Variants in C1orf21 observed in about 807,000 individuals in gnomAD.
The protein encoded by C1orf21 is uncharacterized protein C1orf21.
Under a neutral mutation model 18.7 loss-of-function variants are expected in C1orf21, and 3 were observed. The ratio of observed to expected loss-of-function variants is 0.16; its 90% CI spans 0.07 to 0.42. C1orf21 has a LOEUF of 0.42. C1orf21 is among the 10% of genes least tolerant of loss of function. The pLI, the probability that C1orf21 is intolerant of heterozygous loss-of-function variation, is 0.99. For missense variants in C1orf21, 104 were observed against 143.6 expected (o/e 0.72, Z 1.41); for synonymous variants, 41 against 46.4 (o/e 0.88, Z 0.47).
At chr1:184,442,418 G>A (rs533366695) in intron 1 of C1orf21, among the ~76,000 whole-genome samples, 1 of 152,260 alleles carries the variant, frequency 6.6e-6, no homozygotes, top group African/African-American at 2.4e-5. Context: ...ACAGGATTAT[G>A]ATAAAGATTA....
At chr1:184,429,574 G>C (rs1334636636) in intron 1 of C1orf21, among the ~76,000 whole-genome samples, 1 of 152,116 alleles carries the variant, frequency 6.6e-6, no homozygotes. Context: ...TGGCATAAAA[G>C]AATTACTGGA....
chr1:184,463,082 C>CAAAAAAA (rs397982231), intron 1 of C1orf21, among the ~76,000 whole-genome samples: 1 of 80,308 alleles, frequency 1.2e-5, no homozygotes, highest in Non-Finnish European at 2.5e-5. Context: ...GACTCCATCT[C>CAAAAAAA]AAAAAAAAAA....
At chr1:184,470,617 G>A (rs549084301) in intron 1 of C1orf21, among the ~76,000 whole-genome samples, 1 of 152,282 alleles carries the variant, frequency 6.6e-6, no homozygotes, top group East Asian at 1.9e-4. Flanking sequence ...GGCGGCTCAC[G>A]CCTGAAATCC....
At chr1:184,528,259 C>T (rs2101971990) in intron 3 of C1orf21, among the ~76,000 whole-genome samples, 2 of 152,256 alleles carry the variant, frequency 1.3e-5, no homozygotes, top group South Asian at 4.1e-4. Flanking sequence ...ATAGCAGCTG[C>T]ACCTTAAAAT....
intron 5 of C1orf21, among the ~76,000 whole-genome samples, chr1:184,601,715 A>G (rs1476992377): frequency 6.6e-6 from 1 of 152,138 alleles, no homozygotes; most frequent in East Asian, 1.9e-4. Flanking sequence ...AGCCTGGCCA[A>G]CGTGGTGAAA....
At chr1:184,444,072 A>G (rs532569211) in intron 1 of C1orf21, among the ~76,000 whole-genome samples, 2 of 152,292 alleles carry the variant, frequency 1.3e-5, no homozygotes, top group South Asian at 2.1e-4. Flanking sequence ...CTGTGTCTCC[A>G]TGGAAGATTC....
intron 5 of C1orf21, among the ~76,000 whole-genome samples, chr1:184,613,571 G>C (rs574129449): frequency 1.2e-4 from 18 of 152,264 alleles, no homozygotes; most frequent in Middle Eastern, 3.4e-3. Flanking sequence ...ATTATGATGT[G>C]CAAAACGTTG....
intron 2 of C1orf21, among the ~76,000 whole-genome samples, chr1:184,493,549 C>A (rs1657847895): frequency 6.6e-6 from 1 of 152,172 alleles, no homozygotes; most frequent in Non-Finnish European, 1.5e-5. Flanking sequence ...CATTTAAATT[C>A]CCTTCCAGCT....
At chr1:184,486,841 G>A (rs1415605491) in intron 2 of C1orf21, among the ~76,000 whole-genome samples, 1 of 152,218 alleles carries the variant, frequency 6.6e-6, no homozygotes, top group Non-Finnish European at 1.5e-5. Context: ...AGATGAGGGA[G>A]CACCTGAGTT....
chr1:184,551,896 G>C (rs1658818039), intron 3 of C1orf21, among the ~76,000 whole-genome samples: 1 of 150,162 alleles, frequency 6.7e-6, no homozygotes, highest in Non-Finnish European at 1.5e-5. Context: ...CCTGGCTATG[G>C]CTACACCACT....
intron 3 of C1orf21, among the ~76,000 whole-genome samples, chr1:184,518,366 A>G (rs1031277861): frequency 1.3e-5 from 2 of 152,246 alleles, no homozygotes; most frequent in Admixed American, 6.5e-5. Context: ...ATTGCTAGTT[A>G]AAAGGACACC....
intron 2 of C1orf21, among the ~76,000 whole-genome samples, chr1:184,489,073 T>A (rs955858202): frequency 6.6e-6 from 1 of 152,282 alleles, no homozygotes; most frequent in Admixed American, 6.5e-5. Flanking sequence ...CAAAACCCAA[T>A]ACCAAAAGAA....
intron 3 of C1orf21, among the ~76,000 whole-genome samples, chr1:184,540,726 C>T (rs1053519561): frequency 1.3e-5 from 2 of 152,156 alleles, no homozygotes; most frequent in Non-Finnish European, 2.9e-5. Context: ...CCACCGTGCC[C>T]AGCCAGGAAT....
intron 5 of C1orf21, among the ~76,000 whole-genome samples, chr1:184,610,042 C>T (rs1156686623): frequency 6.6e-6 from 1 of 152,232 alleles, no homozygotes; most frequent in African/African-American, 2.4e-5. Context: ...AACCCTTGAA[C>T]AGTGTTAGCC....
chr1:184,547,156 G>A (rs1307843310), intron 3 of C1orf21, among the ~76,000 whole-genome samples: 1 of 152,128 alleles, frequency 6.6e-6, no homozygotes, highest in African/African-American at 2.4e-5. Context: ...GAGAATGAGG[G>A]CAAGAGTAGG....
chr1:184,423,101 A>C (rs908172861), intron 1 of C1orf21, among the ~76,000 whole-genome samples: 1 of 152,214 alleles, frequency 6.6e-6, no homozygotes, highest in Non-Finnish European at 1.5e-5. Flanking sequence ...AGAGCCAAGG[A>C]GACAATGTGT....
intron 3 of C1orf21, among the ~76,000 whole-genome samples, chr1:184,537,187 A>G (rs113648030): frequency 7.7e-4 from 117 of 152,314 alleles, no homozygotes; most frequent in Non-Finnish European, 1.4e-3. Context: ...GTTCAGTGAC[A>G]TTGAATGCAT....
At chr1:184,394,798 T>C (rs756254953) in intron 1 of C1orf21, among the ~76,000 whole-genome samples, 12 of 152,234 alleles carry the variant, frequency 7.9e-5, no homozygotes, top group Non-Finnish European at 1.5e-4. Flanking sequence ...AAGCAACATA[T>C]ATCTCATTAT....
chr1:184,388,964 T>A (rs1655930258), intron 1 of C1orf21, among the ~76,000 whole-genome samples: 1 of 152,214 alleles, frequency 6.6e-6, no homozygotes, highest in African/African-American at 2.4e-5. Context: ...GTTGGCTGTT[T>A]GGAAATGTAA....
Sources: gnomAD v4.1 joint callset for allele counts (sites outside exome capture counted in the v4.1 genomes callset) on GRCh38, gnomAD v4.1.1 for gene constraint, MANE v1.5 for transcripts, NCBI Gene and HGNC (gene_info 2026-07-23, HGNC 2026-07-21) for gene names.